Variants in PTPRK observed in about 807,000 individuals in gnomAD.
The protein encoded by PTPRK is protein tyrosine phosphatase receptor type K.
Under a neutral mutation model 178.0 loss-of-function variants are expected in PTPRK, and 75 were observed. That is an observed-to-expected ratio of 0.42 (90% confidence interval 0.35 to 0.51). PTPRK has a LOEUF of 0.51. Ranked by LOEUF, PTPRK falls within the 20% of genes least tolerant of loss-of-function variation. The pLI, the probability that PTPRK is intolerant of heterozygous loss-of-function variation, is 0.02. For missense variants in PTPRK, 1,441 were observed against 1,797.8 expected (o/e 0.80, Z 3.59); for synonymous variants, 637 against 620.6 (o/e 1.03, Z -0.39).
chr6:128,348,574 G>A (rs962545994), intron 2 of PTPRK, among the ~76,000 whole-genome samples: 4 of 151,796 alleles, frequency 2.6e-5, no homozygotes, highest in Admixed American at 6.6e-5. Context: ...ATGACAATCC[G>A]TTTCCTTTTG....
chr6:128,259,393 A>G (rs981919447), intron 3 of PTPRK, among the ~76,000 whole-genome samples: 1 of 152,204 alleles, frequency 6.6e-6, no homozygotes, highest in Non-Finnish European at 1.5e-5. Context: ...GCTTTTCACA[A>G]TAACCTAATT....
At chr6:127,995,397 A>G (rs747281831) in intron 18 of PTPRK, 65 bp downstream of exon 18, 2 of 1,481,898 alleles carry the variant, frequency 1.3e-6, no homozygotes, top group Non-Finnish European at 1.9e-6. Context: ...TTTATAGGTA[A>G]TAAGCAAAAA....
intron 7 of PTPRK, among the ~76,000 whole-genome samples, chr6:128,141,828 C>A (rs1795813590): frequency 6.6e-6 from 1 of 151,806 alleles, no homozygotes; most frequent in Non-Finnish European, 1.5e-5. Context: ...GCAATGTGTT[C>A]AATCCTCACA....
chr6:127,973,769 C>G lies in PTPRK; in HGVS notation c.4028G>C (p.Arg1343Pro). ...TGACCTTTTGGATCCAGGCACTTCT[C>G]GATGAGAAGCCCATCCTAGGTACTG... ...QFQYLGWASH[R>P]EVPGSKRSFL... Residue 1343 changes from arginine to proline, a missense_variant, in exon 28 of 30, where the codon CGA becomes CCA. By Grantham distance (103) the Arg-to-Pro change is moderately radical. This residue lies in a region of PTPRK where 335 missense variants were observed against 512.4 expected (regional missense o/e 0.65). Transcript: ENST00000368226. 1 of 1,613,974 alleles carries G rather than the reference C, an allele frequency of 6.2e-7. No homozygotes were observed. The highest frequency in any genetic ancestry group is 8.5e-7 in the Non-Finnish European group (1 of 1,179,920).
At chr6:128,089,121 C>A (rs1452017139) in intron 8 of PTPRK, among the ~76,000 whole-genome samples, 1 of 152,128 alleles carries the variant, frequency 6.6e-6, no homozygotes, top group African/African-American at 2.4e-5. Flanking sequence ...CGCCACCACA[C>A]CCAGTTAATT....
At position 128,082,598 on chromosome 6, in the gene PTPRK, G is replaced by A. The variant is rs751860553; in HGVS notation, c.1616C>T (p.Pro539Leu). ...SSIRSFDPAVPVAGPPQTVSN... is the reference protein window; with the variant it reads ...SSIRSFDPAVLVAGPPQTVSN... ...TACAGTCTGGGGAGGTCCAGCCACT[G>A]GAACTGCAGGATCAAATGATCTTAT... is the stretch of plus-strand genomic sequence containing the variant. The change falls in exon 10 of 30, where the codon CCA becomes CTA. Residue 539 changes from proline (P) to leucine (L), a missense_variant. Pro to Leu is a moderately conservative substitution (Grantham distance 98). Around this residue, in one of 4 missense-constraint regions of PTPRK, gnomAD observed 945 missense variants for 1,080.6 expected, o/e 0.87. Transcript: ENST00000368226. The A allele has an allele frequency of 8.7e-6, 14 of 1,612,254 alleles. No homozygotes were observed. Among genetic ancestry groups the A allele is most frequent in the Non-Finnish European group, 1.2e-5 (14 of 1,178,718 alleles).
intron 5 of PTPRK, among the ~76,000 whole-genome samples, chr6:128,221,974 C>T (rs903598246): frequency 6.6e-6 from 1 of 152,094 alleles, no homozygotes; most frequent in South Asian, 2.1e-4. Context: ...AGGCCCACCA[C>T]GCTGCTTACT....
chr6:127,978,936 C>T (rs879205606), intron 25 of PTPRK, among the ~76,000 whole-genome samples: 1 of 152,166 alleles, frequency 6.6e-6, no homozygotes, highest in Admixed American at 6.5e-5. Context: ...AGCTTTACTT[C>T]TCCAACGGTT....
intron 7 of PTPRK, among the ~76,000 whole-genome samples, chr6:128,111,789 T>C (rs1199304184): frequency 2.0e-5 from 3 of 152,186 alleles, no homozygotes; most frequent in African/African-American, 7.2e-5. Context: ...TTTATAATGC[T>C]TTGTGATATG....
At chr6:128,466,235 C>T (rs1223087707) in intron 1 of PTPRK, among the ~76,000 whole-genome samples, 2 of 152,222 alleles carry the variant, frequency 1.3e-5, no homozygotes, top group South Asian at 4.1e-4. Flanking sequence ...AAGTCTTTGT[C>T]AATGCCACAA....
intron 5 of PTPRK, among the ~76,000 whole-genome samples, chr6:128,238,795 C>A (rs185030546): frequency 1.2e-4 from 18 of 151,884 alleles, no homozygotes; most frequent in African/African-American, 4.3e-4. Flanking sequence ...AAAAAGGGAC[C>A]CTCATCTCCT....
At chr6:128,414,664 TG>T (rs1373874509) in intron 1 of PTPRK, among the ~76,000 whole-genome samples, 1 of 152,204 alleles carries the variant, frequency 6.6e-6, no homozygotes, top group African/African-American at 2.4e-5. Flanking sequence ...ACGATGCCAT[TG>T]CTAAGCTTTA....
At chr6:128,364,473 C>A (rs995517034) in intron 2 of PTPRK, among the ~76,000 whole-genome samples, 3 of 151,906 alleles carry the variant, frequency 2.0e-5, no homozygotes, top group African/African-American at 4.8e-5. Flanking sequence ...TGATTTGAAA[C>A]CTGAATGCAA....
intron 3 of PTPRK, among the ~76,000 whole-genome samples, chr6:128,272,261 G>T (rs1171458215): frequency 6.6e-6 from 1 of 152,074 alleles, no homozygotes; most frequent in African/African-American, 2.4e-5. Context: ...AACCCTAGAA[G>T]AAAACCTAGG....
intron 7 of PTPRK, among the ~76,000 whole-genome samples, chr6:128,116,998 TAGC>T (rs1411688085): frequency 6.6e-6 from 1 of 151,596 alleles, no homozygotes; most frequent in Non-Finnish European, 1.5e-5. Context: ...TACAAAAAAT[TAGC>T]AGGGCATGGT....
At chr6:128,273,800 AT>A (rs1820285913) in intron 3 of PTPRK, among the ~76,000 whole-genome samples, 1 of 152,196 alleles carries the variant, frequency 6.6e-6, no homozygotes, top group African/African-American at 2.4e-5. Context: ...GTCGCAATTT[AT>A]CACTGTAATG....
chr6:128,225,254 A>G (rs1042829838), intron 5 of PTPRK, among the ~76,000 whole-genome samples: 1 of 152,196 alleles, frequency 6.6e-6, no homozygotes, highest in Non-Finnish European at 1.5e-5. Context: ...TATGTCATTG[A>G]CATAATGATA....
intron 5 of PTPRK, among the ~76,000 whole-genome samples, chr6:128,235,153 T>C (rs1334423840): frequency 6.6e-6 from 1 of 152,116 alleles, no homozygotes; most frequent in Non-Finnish European, 1.5e-5. Context: ...TATGTATTGA[T>C]AATAATTTGA....
chr6:128,194,599 T>C (rs866271091), intron 6 of PTPRK, among the ~76,000 whole-genome samples: 4 of 152,164 alleles, frequency 2.6e-5, no homozygotes, highest in Non-Finnish European at 5.9e-5. Flanking sequence ...GAACATCCAG[T>C]TGATTCCAGG....
Sources: allele counts gnomAD v4.1 joint callset (sites outside exome capture counted in the v4.1 genomes callset), GRCh38; gene constraint gnomAD v4.1.1; regional missense constraint gnomAD v4.1.1; transcripts MANE v1.5; gene names NCBI Gene and HGNC (gene_info 2026-07-23, HGNC 2026-07-21).